ZNF385D: variants seen among roughly 807,000 people sequenced by gnomAD.
The protein encoded by ZNF385D is zinc finger protein 659.
ZNF385D carries 15 observed loss-of-function variants against 35.8 expected under a neutral mutation model. The observed-to-expected ratio is 0.42, with a 90% CI of 0.28 to 0.64. The LOEUF (loss-of-function observed/expected upper bound fraction) is 0.64. ZNF385D is among the 30% of genes least tolerant of loss of function. ZNF385D has a pLI of 0.23. For synonymous variants in ZNF385D, 212 were observed against 186.8 expected, an observed-to-expected ratio of 1.13 and a Z score of -1.10; for missense variants, 474 against 494.6, an observed-to-expected ratio of 0.96 and a Z score of 0.39.
rs1414723769 is a variant in ZNF385D, at chr3:22,053,162, G to A, written c.325+115655C>T. 3.4e-5 allele frequency among the ~76,000 whole-genome samples: 3 copies of A among 87,982 alleles called. 1 individual carries two copies. Among genetic ancestry groups the A allele is most frequent in the East Asian group, 1.1e-3 (2 of 1,876 alleles). 57.7% of individuals were successfully genotyped at this position (87,982 alleles called of 152,430 possible). On this transcript the variant is annotated intron_variant, in intron 3 of 5. Transcript: ENST00000494108. ...TAGCAATCAGCGAGATTCCGTGGGC[G>A]TAGGACCCTCCGAGCCAGGTGTGGG... is the stretch of plus-strand genomic sequence containing the variant.
intron 2 of ZNF385D, among the ~76,000 whole-genome samples, chr3:21,602,943 G>A (rs972145214): frequency 6.6e-6 from 1 of 152,068 alleles, no homozygotes; most frequent in African/African-American, 2.4e-5. Context: ...TAAACCTCCA[G>A]ATAAAAAGAT....
At chr3:21,545,890 G>A (rs2062354319) in intron 3 of ZNF385D, among the ~76,000 whole-genome samples, 1 of 152,168 alleles carries the variant, frequency 6.6e-6, no homozygotes, top group South Asian at 2.1e-4. Flanking sequence ...ACAGGTTTTT[G>A]AGGATGCAAA....
intron 1 of ZNF385D, among the ~76,000 whole-genome samples, chr3:21,734,667 C>A (rs1188000691): frequency 6.6e-6 from 1 of 152,090 alleles, no homozygotes; most frequent in East Asian, 1.9e-4. Context: ...AAAAATAAAA[C>A]TTCAAGGTAA....
intron 3 of ZNF385D, among the ~76,000 whole-genome samples, chr3:21,806,209 A>ATTT (rs111922265): frequency 1.5e-4 from 16 of 108,430 alleles, no homozygotes; most frequent in African/African-American, 5.2e-4. Flanking sequence ...TAAATTTCTT[A>ATTT]TTTTTTTTTT....
intron 3 of ZNF385D, among the ~76,000 whole-genome samples, chr3:21,764,593 G>C (rs553980675): frequency 6.6e-6 from 1 of 152,254 alleles, no homozygotes; most frequent in South Asian, 2.1e-4. Context: ...GGCTTGTCTA[G>C]TTGGAAATCA....
chr3:22,081,470 A>G lies in ZNF385D; in HGVS notation c.325+87347T>C, dbSNP rs114125262. 4.6e-3 allele frequency among the ~76,000 whole-genome samples: 707 copies of G among 152,354 alleles called. 11 individuals carry two copies. Among genetic ancestry groups the G allele is most frequent in the African/African-American group, 0.016 (679 of 41,592 alleles). ...TTTAGAACTATGAAATAATGTAAAAATTAAGATGTTGTTATGATAATGGCT... is the reference window on the plus strand; with the variant it reads ...TTTAGAACTATGAAATAATGTAAAAGTTAAGATGTTGTTATGATAATGGCT... On this transcript the variant is annotated intron_variant, in intron 3 of 5. Transcript: ENST00000494108.
At chr3:22,372,395 G>GC in intron 2 of ZNF385D, 2 of 964,650 alleles carry the variant, frequency 2.1e-6, no homozygotes, top group Non-Finnish European at 2.5e-6. Flanking sequence ...CTTGCCCGGC[G>GC]CCCCAACGAA....
intron 3 of ZNF385D, among the ~76,000 whole-genome samples, chr3:21,952,266 A>T (rs374747666): frequency 9.9e-5 from 15 of 151,944 alleles, no homozygotes; most frequent in Middle Eastern, 3.4e-3. Flanking sequence ...CATCTCCACT[A>T]CTTTTATTTC....
At chr3:21,546,726 A>G (rs1020230769) in intron 3 of ZNF385D, among the ~76,000 whole-genome samples, 2 of 152,110 alleles carry the variant, frequency 1.3e-5, no homozygotes, top group African/African-American at 2.4e-5. Context: ...TGTTTCATGG[A>G]TAAAGGCCAC....
intron 2 of ZNF385D, among the ~76,000 whole-genome samples, chr3:22,217,615 G>A (rs887831720): frequency 1.3e-5 from 2 of 152,064 alleles, no homozygotes; most frequent in Non-Finnish European, 2.9e-5. Flanking sequence ...ACACTTATTT[G>A]TAGATATTTT....
intron 3 of ZNF385D, among the ~76,000 whole-genome samples, chr3:21,759,760 G>A (rs948828100): frequency 2.6e-5 from 4 of 152,068 alleles, no homozygotes; most frequent in South Asian, 2.1e-4. Flanking sequence ...AGTAAACAGC[G>A]TTATATTGAA....
intron 2 of ZNF385D, among the ~76,000 whole-genome samples, chr3:22,290,317 C>G (rs1204003309): frequency 6.6e-6 from 1 of 152,080 alleles, no homozygotes; most frequent in Non-Finnish European, 1.5e-5. Flanking sequence ...CACACCACAC[C>G]CAAAGACAAA....
At chr3:22,134,388 A>T (rs1703982989) in intron 3 of ZNF385D, 1 of 152,162 alleles carries the variant, frequency 6.6e-6, no homozygotes, top group Admixed American at 6.6e-5. Flanking sequence ...CAAAAATGGC[A>T]AAACTGAAAG....
chr3:21,898,076 G>A (rs1234177300), intron 3 of ZNF385D, among the ~76,000 whole-genome samples: 1 of 152,072 alleles, frequency 6.6e-6, no homozygotes, highest in Non-Finnish European at 1.5e-5. Context: ...ATCGTCAAAT[G>A]TTAGACTAGG....
intron 3 of ZNF385D, among the ~76,000 whole-genome samples, chr3:21,917,807 T>C (rs189875973): frequency 6.6e-6 from 1 of 152,310 alleles, no homozygotes; most frequent in East Asian, 1.9e-4. Flanking sequence ...CTCAGAGCTA[T>C]GCTTTTTCTT....
At chr3:21,597,463 T>C (rs570076983) in intron 2 of ZNF385D, among the ~76,000 whole-genome samples, 4 of 152,118 alleles carry the variant, frequency 2.6e-5, no homozygotes, top group African/African-American at 4.8e-5. Flanking sequence ...ATTGGTAACA[T>C]ACAAATGAAA....
At chr3:21,995,388 T>C (rs1695399763) in intron 3 of ZNF385D, among the ~76,000 whole-genome samples, 1 of 152,090 alleles carries the variant, frequency 6.6e-6, no homozygotes, top group Admixed American at 6.5e-5. Flanking sequence ...AGTGTGAACA[T>C]GGGCACAGGC....
intron 2 of ZNF385D, among the ~76,000 whole-genome samples, chr3:22,239,861 T>G (rs746561693): frequency 1.3e-5 from 2 of 150,642 alleles, no homozygotes; most frequent in African/African-American, 4.9e-5. Context: ...CTCAAGCACA[T>G]AGAACGTCAG....
chr3:22,153,977 A>G (rs372835379), intron 3 of ZNF385D, among the ~76,000 whole-genome samples: 15 of 152,256 alleles, frequency 9.9e-5, no homozygotes, highest in East Asian at 5.8e-4. Context: ...TCCCATTTAG[A>G]TAACTCATCA....
Sources: allele counts gnomAD v4.1 joint callset (sites outside exome capture counted in the v4.1 genomes callset), GRCh38; gene constraint gnomAD v4.1.1; transcripts MANE v1.5; gene names NCBI Gene and HGNC (gene_info 2026-07-23, HGNC 2026-07-21).